The following GABRG3 variants were observed in gnomAD, a reference collection of about 807,000 sequenced individuals.
GABRG3 encodes the protein gamma-aminobutyric acid type A receptor subunit gamma3.
GABRG3 carries 25 observed loss-of-function variants against 48.8 expected under a neutral mutation model. That is an observed-to-expected ratio of 0.51 (90% CI 0.37 to 0.72). GABRG3 has a LOEUF of 0.72. Ranked by LOEUF, GABRG3 falls within the 30% of genes least tolerant of loss-of-function variation. GABRG3 has a pLI of 0.00. For synonymous variants in GABRG3, 227 were observed against 217.6 expected (o/e 1.04, Z -0.38); for missense variants, 394 against 577.9 (o/e 0.68, Z 3.26).
At chr15:27,317,606 T>A (rs981311886) in intron 3 of GABRG3, among the ~76,000 whole-genome samples, 1 of 152,206 alleles carries the variant, frequency 6.6e-6, no homozygotes, top group African/African-American at 2.4e-5. Context: ...TCTAAATATT[T>A]TTTTTAAAAG....
chr15:27,309,232 A>T, intron 3 of GABRG3, among the ~76,000 whole-genome samples: 1 of 151,602 alleles, frequency 6.6e-6, no homozygotes, highest in Non-Finnish European at 1.5e-5. Context: ...TAATGTAAAC[A>T]TATATTTATA....
chr15:27,341,951 G>A (rs1181538259), intron 5 of GABRG3, among the ~76,000 whole-genome samples: 2 of 152,360 alleles, frequency 1.3e-5, no homozygotes, highest in Admixed American at 6.5e-5. Flanking sequence ...CTGTTGCAGA[G>A]CTGTCAGAGA....
chr15:26,988,964 A>G (rs1895199569), intron 2 of GABRG3, among the ~76,000 whole-genome samples: 1 of 152,150 alleles, frequency 6.6e-6, no homozygotes, highest in Admixed American at 6.5e-5. Context: ...GTACAGTCCA[A>G]TGGCTTTCAG....
Position 27,416,028 on chromosome 15 carries a change from A to G in GABRG3, c.575-64622A>G, listed in dbSNP as rs1887931506. 2.0e-5 allele frequency among the ~76,000 whole-genome samples: 3 copies of G among 152,130 alleles called. No homozygotes were observed. The South Asian group carries it at 6.2e-4, about 32-fold the overall frequency. On this transcript the variant is annotated intron_variant, in intron 5 of 9. Transcript: ENST00000615808. ...CCATTCAAATGTTGAAGCCCTCAAA[A>G]TCATCTTCGAAGAAAGGCACAGGCA...
chr15:27,012,108 A>G (rs1187841718), intron 2 of GABRG3, among the ~76,000 whole-genome samples: 1 of 152,116 alleles, frequency 6.6e-6, no homozygotes, highest in East Asian at 1.9e-4. Context: ...TCAGATGGAG[A>G]TGAATTCTCT....
At chr15:27,477,867 C>T (rs1329600217) in intron 5 of GABRG3, among the ~76,000 whole-genome samples, 1 of 151,966 alleles carries the variant, frequency 6.6e-6, no homozygotes, top group Non-Finnish European at 1.5e-5. Context: ...GGTGAAACCC[C>T]GTCTCTACCC....
At chr15:27,371,870 G>A (rs1287035777) in intron 5 of GABRG3, among the ~76,000 whole-genome samples, 3 of 152,040 alleles carry the variant, frequency 2.0e-5, no homozygotes, top group Admixed American at 6.6e-5. Context: ...GAACATAGAC[G>A]TGATGGGCAA....
At chr15:27,067,502 G>T (rs1896758004) in intron 3 of GABRG3, among the ~76,000 whole-genome samples, 1 of 152,170 alleles carries the variant, frequency 6.6e-6, no homozygotes, top group African/African-American at 2.4e-5. Flanking sequence ...CCGACAACCG[G>T]GTCACACCCA....
At chr15:27,071,467 G>T (rs1896826216) in intron 3 of GABRG3, among the ~76,000 whole-genome samples, 2 of 152,176 alleles carry the variant, frequency 1.3e-5, no homozygotes, top group African/African-American at 4.8e-5. Context: ...GCAAACCTGA[G>T]TGCTCCCATT....
chr15:27,261,449 G>T (rs1214880533), intron 3 of GABRG3, among the ~76,000 whole-genome samples: 1 of 151,470 alleles, frequency 6.6e-6, no homozygotes. Flanking sequence ...CAAGATGGAG[G>T]GATTCGGGTT....
chr15:27,396,922 G>A (rs8032876), intron 5 of GABRG3, among the ~76,000 whole-genome samples: 16,628 of 152,168 alleles, frequency 0.11, 1,233 homozygotes, highest in East Asian at 0.29. Context: ...GAAAAAAGAG[G>A]TTGGTGGTTA....
intron 5 of GABRG3, among the ~76,000 whole-genome samples, chr15:27,401,784 C>A (rs192210405): frequency 5.3e-5 from 8 of 152,328 alleles, no homozygotes. Flanking sequence ...ATGGAACTTA[C>A]AAATTCTTCT....
rs748622911 is a variant in GABRG3, at chr15:27,527,473, C to T, written c.906C>T (p.Ile302=). 4 of 1,613,948 alleles carry T rather than the reference C, an allele frequency of 2.5e-6. No individual in the cohort carries two copies. Among genetic ancestry groups the T allele is most frequent in the South Asian group, 1.1e-5 (1 of 91,086 alleles). Residue 302 remains isoleucine (I), a synonymous_variant, in exon 8 of 10, where the codon ATC becomes ATT. Transcript: ENST00000615808. ...TVLTMTTLST[I]ARKSLPRVSY... ...TGACCATGACCACCCTGAGCACCAT[C>T]GCCAGGAAGTCCTTGCCACGCGTGT...
chr15:27,114,441 C>A (rs1175610639), intron 3 of GABRG3, among the ~76,000 whole-genome samples: 1 of 152,104 alleles, frequency 6.6e-6, no homozygotes, highest in Non-Finnish European at 1.5e-5. Context: ...ATTCTTTCTC[C>A]CATGGTTGGA....
chr15:27,172,413 C>T (rs986031381), intron 3 of GABRG3, among the ~76,000 whole-genome samples: 1 of 152,044 alleles, frequency 6.6e-6, no homozygotes, highest in Non-Finnish European at 1.5e-5. Flanking sequence ...TCTACGCTGA[C>T]CCCACCCCCA....
chr15:27,028,297 A>G (rs946361547), intron 3 of GABRG3, among the ~76,000 whole-genome samples: 1 of 152,088 alleles, frequency 6.6e-6, no homozygotes, highest in African/African-American at 2.4e-5. Context: ...CCTTAGTAAC[A>G]CAGGAGGACA....
At chr15:27,208,423 T>C (rs771430848) in intron 3 of GABRG3, 26 of 211,120 alleles carry the variant, frequency 1.2e-4, no homozygotes, top group Non-Finnish European at 2.3e-4. Context: ...TGGCATTGTT[T>C]ATGTGCATGA....
intron 3 of GABRG3, among the ~76,000 whole-genome samples, chr15:27,191,122 T>A (rs1195978386): frequency 6.6e-6 from 1 of 152,226 alleles, no homozygotes; most frequent in African/African-American, 2.4e-5. Context: ...TCTTTTACAT[T>A]TGCTGAGGAG....
intron 3 of GABRG3, among the ~76,000 whole-genome samples, chr15:27,097,143 C>T (rs539877559): frequency 2.6e-5 from 4 of 152,054 alleles, no homozygotes; most frequent in South Asian, 2.1e-4. Context: ...TGAGCCACCG[C>T]GCCTGGCCTT....
Sources: gnomAD v4.1 joint callset for allele counts (sites outside exome capture counted in the v4.1 genomes callset) on GRCh38, gnomAD v4.1.1 for gene constraint, MANE v1.5 for transcripts, NCBI Gene and HGNC (gene_info 2026-07-23, HGNC 2026-07-21) for gene names.